The following CINP variants were observed in gnomAD, a reference collection of about 807,000 sequenced individuals.
CINP encodes the protein cyclin dependent kinase 2 interacting protein.
Under a neutral mutation model 20.5 loss-of-function variants are expected in CINP, and 11 were observed. The observed-to-expected ratio is 0.54, with a 90% CI of 0.34 to 0.89. The LOEUF is 0.89. CINP is among the 40% of genes least tolerant of loss of function. The pLI is 0.02. For synonymous variants in CINP, 108 were observed against 102.1 expected (o/e 1.06, Z -0.35); for missense variants, 213 against 251.0 (o/e 0.85, Z 1.02).
rs1567304436 is a variant in CINP at position 102,350,057 on chromosome 14, T to C, written c.307-9A>G. 2 of 1,606,536 alleles carry C rather than the reference T, an allele frequency of 1.2e-6. No individual in the cohort carries two copies. Among genetic ancestry groups the C allele is most frequent in the Non-Finnish European group, 8.5e-7 (1 of 1,174,874 alleles). On this transcript the variant is annotated splice_polypyrimidine_tract_variant and intron_variant, in intron 3 of 4. Coordinates refer to ENST00000216756, the MANE Select transcript of CINP (RefSeq NM_032630.3). ...TTCACCTGTATTTTGGTCTGAAAGATATCCATTTGGAATATGATAATATTA... is the reference window on the plus strand; with the variant it reads ...TTCACCTGTATTTTGGTCTGAAAGACATCCATTTGGAATATGATAATATTA...
At chr14:102,359,395 C>A in intron 2 of CINP, 24 bp downstream of exon 2, 2 of 1,527,290 alleles carry the variant, frequency 1.3e-6, no homozygotes, top group East Asian at 2.3e-5. Flanking sequence ...AAACTTAGAG[C>A]ATGAAAAACC....
Position 102,348,702 on chromosome 14 carries a change from G to A in CINP, c.494C>T (p.Thr165Met), listed in dbSNP as rs140733558. Residue 165 changes from threonine to methionine, a missense_variant, in exon 5 of 5, where the codon ACG becomes ATG. Physicochemically the swap from Thr to Met is moderately conservative, Grantham distance 81 (BLOSUM62 -1). Coordinates refer to ENST00000216756, the MANE Select transcript of CINP (RefSeq NM_032630.3). ...GGTGTGGGCAAGCTCCTTGGCCACCGTGCGCTTCAGGAGCAGCTCCTTCCT... is the reference window on the plus strand; with the variant it reads ...GGTGTGGGCAAGCTCCTTGGCCACCATGCGCTTCAGGAGCAGCTCCTTCCT... ...MYRKELLLKR[T>M]VAKELAHTGD... The A allele has an allele frequency of 5.2e-5, 84 of 1,613,780 alleles. No homozygotes were observed. Among genetic ancestry groups the A allele is most frequent in the South Asian group, 7.7e-5 (7 of 90,992 alleles).
rs1394622321 is a variant in CINP at position 102,361,164 on chromosome 14, C to A, written c.8-1577G>T. On this transcript the variant is annotated intron_variant, in intron 1 of 4. Coordinates refer to ENST00000216756, the MANE Select transcript of CINP (RefSeq NM_032630.3). ...AGGCTGAGATTTGAATGATGAAAAG[C>A]CAGAAATAGGGTAGGTCAGTAGTAT... is the stretch of plus-strand genomic sequence containing the variant. Among the ~76,000 whole-genome samples, 3 of 151,966 alleles carry A rather than the reference C, an allele frequency of 2.0e-5. No homozygotes were observed. The East Asian group carries it at 5.8e-4, about 29-fold the overall frequency.
chr14:102,353,911 A>AC (rs1481120201), intron 3 of CINP, among the ~76,000 whole-genome samples: 4 of 151,968 alleles, frequency 2.6e-5, no homozygotes, highest in Admixed American at 6.6e-5. Context: ...CAACATGAGA[A>AC]CCCCGTCTGT....
At position 102,355,878 on chromosome 14, in the gene CINP, G is replaced by A. The variant is rs990234400; in HGVS notation, c.196C>T (p.Leu66=). 2 of 1,613,960 alleles carry A rather than the reference G, an allele frequency of 1.2e-6. No individual in the cohort carries two copies. The highest frequency in any genetic ancestry group is 1.1e-5 in the South Asian group (1 of 91,078). The change falls in exon 3 of 5, where the codon CTA becomes TTA. Residue 66 remains leucine, a synonymous_variant. Coordinates refer to ENST00000216756, the MANE Select transcript of CINP (RefSeq NM_032630.3). ...ISLLNKDKIE[L]DSSSPASKEN... ...TTCGAGGCTGGGCTGCTGCTGTCTA[G>A]TTCTATCTTGTCTTTATTCCTAAAC... is the stretch of plus-strand genomic sequence containing the variant.
chr14:102,356,648 A>G (rs1887004169), intron 2 of CINP, among the ~76,000 whole-genome samples: 2 of 152,176 alleles, frequency 1.3e-5, no homozygotes, highest in African/African-American at 4.8e-5. Context: ...AATCAGCACC[A>G]TTTTGCCAAC....
chr14:102,351,220 G>A lies in CINP; in HGVS notation c.307-1172C>T, dbSNP rs1210995061. On this transcript the variant is annotated intron_variant, in intron 3 of 4. Coordinates refer to ENST00000216756, the MANE Select transcript of CINP (RefSeq NM_032630.3). This position sits in a 1 kb window ranked among gnomAD's most constrained non-coding sequence, Gnocchi z 4.2. ...AGAAAGGGAGCCCTACACACTTCAC[G>A]CAGAAAGGAAGGAAACGTGGCAAGC... Among the ~76,000 whole-genome samples, 2 of 152,124 alleles carry A rather than the reference G, an allele frequency of 1.3e-5. No homozygotes were observed. Among genetic ancestry groups the A allele is most frequent in the African/African-American group, 2.4e-5 (1 of 41,422 alleles).
chr14:102,355,584 CAGG>C, intron 3 of CINP, 181 bp downstream of exon 3: 1 of 589,964 alleles, frequency 1.7e-6, no homozygotes, highest in Non-Finnish European at 2.9e-6. Flanking sequence ...GGATGACGCA[CAGG>C]AGGAGTGAGT....
chr14:102,352,029 C>T (rs1017832722), intron 3 of CINP, among the ~76,000 whole-genome samples: 62 of 152,106 alleles, frequency 4.1e-4, no homozygotes, highest in Non-Finnish European at 6.0e-4. Flanking sequence ...GGACTACAGG[C>T]GCCCGCCACT....
At chr14:102,361,414 C>T (rs559847179) in intron 1 of CINP, among the ~76,000 whole-genome samples, 4 of 152,030 alleles carry the variant, frequency 2.6e-5, no homozygotes, top group Non-Finnish European at 4.4e-5. Flanking sequence ...CCAAGGCGGG[C>T]GGATCACGAG....
chr14:102,355,713 C>T (rs1886983046), intron 3 of CINP, 55 bp downstream of exon 3: 15 of 1,598,646 alleles, frequency 9.4e-6, no homozygotes, highest in South Asian at 2.2e-5. Context: ...ACCCCAAATA[C>T]GTCCATCGGA....
intron 3 of CINP, among the ~76,000 whole-genome samples, chr14:102,354,076 C>T (rs1420371006): frequency 6.6e-6 from 1 of 152,102 alleles, no homozygotes; most frequent in Non-Finnish European, 1.5e-5. Flanking sequence ...GACCTTGTCT[C>T]CAAACAAACA....
rs951345256 is a variant in CINP, at chr14:102,348,483, G to A, written c.*74C>T. On this transcript the variant is annotated 3_prime_UTR_variant, in exon 5 of 5. Coordinates refer to ENST00000216756, the MANE Select transcript of CINP (RefSeq NM_032630.3). ...ATCCTGGGGTCTGATCCAGGCCTGC[G>A]GCACTGGGTCCTAGGCAGACTGTCT... 1.0e-5 allele frequency: 14 copies of A among 1,360,442 alleles called. No individual in the cohort carries two copies. Among genetic ancestry groups the A allele is most frequent in the Middle Eastern group, 2.5e-4 (1 of 3,960 alleles). The allele number at this position is 1,360,442 out of a possible 1,614,324, so 84.3% of individuals were successfully genotyped here.
At chr14:102,348,856 G>C in intron 4 of CINP, 97 bp from the exon 5 acceptor site, 1 of 1,143,976 alleles carries the variant, frequency 8.7e-7, no homozygotes. Flanking sequence ...TTAAAAACCA[G>C]AATCAGCAAC....
Position 102,359,437 on chromosome 14 carries a change from T to C in CINP, c.158A>G (p.Asn53Ser). The C allele has an allele frequency of 6.3e-7, 1 of 1,599,234 alleles. No individual in the cohort carries two copies. Among genetic ancestry groups the C allele is most frequent in the Non-Finnish European group, 8.5e-7 (1 of 1,172,450 alleles). ...AGFTTANNIA[N>S]LKISLLNKDK... ...TACTTACAATAAACTGATTTTCAAG[T>C]TGGCAATATTATTTGCAGTGGTAAA... The change falls in exon 2 of 5, where the codon AAC becomes AGC. Residue 53 changes from asparagine to serine, a missense_variant. Physicochemically the swap from Asn to Ser is conservative, Grantham distance 46. Coordinates refer to ENST00000216756, the MANE Select transcript of CINP (RefSeq NM_032630.3).
At chr14:102,359,368 C>T in intron 2 of CINP, 51 bp downstream of exon 2, 2 of 1,327,564 alleles carry the variant, frequency 1.5e-6, no homozygotes, top group South Asian at 1.6e-5. Context: ...ATTATTTCCC[C>T]AGTTATTAAG....
chr14:102,362,671 C>G, intron 1 of CINP, 174 bp downstream of exon 1: 1 of 826,004 alleles, frequency 1.2e-6, no homozygotes, highest in East Asian at 2.7e-5. Flanking sequence ...AAAACTGTCT[C>G]CCGAGCAGCT....
chr14:102,352,728 G>T (rs1197055897), intron 3 of CINP, among the ~76,000 whole-genome samples: 4 of 151,062 alleles, frequency 2.6e-5, no homozygotes, highest in Admixed American at 2.6e-4. Flanking sequence ...GCTTGATCTC[G>T]GCTAACTGCA....
chr14:102,350,129 TAAG>T (rs1886835190), intron 3 of CINP, 81 bp from the exon 4 acceptor site: 1 of 1,275,286 alleles, frequency 7.8e-7, no homozygotes, highest in African/African-American at 1.5e-5. Context: ...ATTTCAAAGC[TAAG>T]AAGTGTAAGT....
Sources: allele counts gnomAD v4.1 joint callset (sites outside exome capture counted in the v4.1 genomes callset), GRCh38; gene constraint gnomAD v4.1.1; non-coding constraint Gnocchi (gnomAD v3.1); transcripts MANE v1.5; gene names NCBI Gene and HGNC (gene_info 2026-07-23, HGNC 2026-07-21).